The following OTUD7A variants were observed in gnomAD, a reference collection of about 807,000 sequenced individuals.
The protein encoded by OTUD7A is OTU domain-containing protein 7A.
A neutral mutation model predicts 65.7 loss-of-function variants in OTUD7A; 12 were observed. The observed-to-expected ratio is 0.18, with a 90% CI of 0.12 to 0.30. The LOEUF (loss-of-function observed/expected upper bound fraction) is 0.30. Among genes scored for constraint, OTUD7A ranks in the 10% least tolerant of loss-of-function variants. The pLI is 1.00. For missense variants in OTUD7A, 1,148 were observed against 1,304.8 expected (o/e 0.88, Z 1.85); for synonymous variants, 641 against 586.3 (o/e 1.09, Z -1.35).
At chr15:31,809,161 T>C (rs963172757) in intron 1 of OTUD7A, among the ~76,000 whole-genome samples, 3 of 152,224 alleles carry the variant, frequency 2.0e-5, no homozygotes, top group Non-Finnish European at 2.9e-5. Flanking sequence ...GCTGAAACTC[T>C]GCTCTCGATT....
chr15:31,794,630 T>TG (rs1180101175), intron 1 of OTUD7A, among the ~76,000 whole-genome samples: 4 of 61,082 alleles, frequency 6.5e-5, no homozygotes, highest in African/African-American at 1.2e-4. Flanking sequence ...AATAGAATAG[T>TG]GAAAAAAAAA....
chr15:31,617,676 G>A (rs1038963793), intron 3 of OTUD7A, among the ~76,000 whole-genome samples: 3 of 152,118 alleles, frequency 2.0e-5, no homozygotes, highest in East Asian at 3.9e-4. Context: ...TTACCTCTGG[G>A]GAGAAAGAAG....
chr15:31,727,127 C>T (rs939055307), intron 1 of OTUD7A, among the ~76,000 whole-genome samples: 2 of 152,218 alleles, frequency 1.3e-5, no homozygotes, highest in Admixed American at 1.3e-4. Context: ...GTCTCAAATC[C>T]ATCACCCCAT....
chr15:31,523,319 T>C (rs2141113846), intron 8 of OTUD7A, among the ~76,000 whole-genome samples: 1 of 152,362 alleles, frequency 6.6e-6, no homozygotes, highest in African/African-American at 2.4e-5. Context: ...AAAGTCTTTC[T>C]TGCTGTCTTC....
At chr15:31,682,043 T>C (rs1160295495) in intron 1 of OTUD7A, among the ~76,000 whole-genome samples, 2 of 152,024 alleles carry the variant, frequency 1.3e-5, no homozygotes, top group Non-Finnish European at 1.5e-5. Context: ...GGAAGTGACA[T>C]CTCATCTGAA....
chr15:31,629,182 G>A (rs904241974), intron 3 of OTUD7A, among the ~76,000 whole-genome samples: 3 of 152,096 alleles, frequency 2.0e-5, no homozygotes, highest in Non-Finnish European at 4.4e-5. Flanking sequence ...GTTTTCAAAG[G>A]GAATGCTTCC....
intron 3 of OTUD7A, among the ~76,000 whole-genome samples, chr15:31,572,722 T>G (rs1405379525): frequency 1.3e-5 from 2 of 151,816 alleles, no homozygotes; most frequent in Non-Finnish European, 2.9e-5. Context: ...CTGACTAAAC[T>G]CAGGGGAAAA....
chr15:31,606,836 A>G (rs1024598311), intron 3 of OTUD7A, among the ~76,000 whole-genome samples: 19 of 152,234 alleles, frequency 1.2e-4, no homozygotes, highest in African/African-American at 4.6e-4. Context: ...CTGACATTAT[A>G]TATCATATAA....
At chr15:31,491,490 C>G (rs577561597) in intron 10 of OTUD7A, among the ~76,000 whole-genome samples, 21 of 152,270 alleles carry the variant, frequency 1.4e-4, no homozygotes, top group African/African-American at 5.1e-4. Flanking sequence ...AGGTGGGAAA[C>G]TGAACACAGC....
intron 1 of OTUD7A, among the ~76,000 whole-genome samples, chr15:31,669,792 T>C (rs1028190038): frequency 1.3e-5 from 2 of 152,032 alleles, no homozygotes; most frequent in African/African-American, 4.8e-5. Context: ...AATGGCCTGC[T>C]TGGGGACCCA....
intron 10 of OTUD7A, among the ~76,000 whole-genome samples, chr15:31,496,953 C>T (rs376937974): frequency 6.6e-6 from 1 of 151,876 alleles, no homozygotes; most frequent in Non-Finnish European, 1.5e-5. Flanking sequence ...AGTCTCTGTT[C>T]CCAATAAAGG....
At chr15:31,867,917 G>A in intron 1 of OTUD7A, among the ~76,000 whole-genome samples, 1 of 151,764 alleles carries the variant, frequency 6.6e-6, no homozygotes, top group East Asian at 1.9e-4. Context: ...GGGGAGGGGC[G>A]GGGGGCGGGG....
intron 3 of OTUD7A, among the ~76,000 whole-genome samples, chr15:31,639,684 TCAG>T (rs1386228296): frequency 6.6e-6 from 1 of 152,006 alleles, no homozygotes; most frequent in Non-Finnish European, 1.5e-5. Context: ...TTTGGTATGC[TCAG>T]TATTGTTGGT....
At chr15:31,690,844 AG>A (rs1196777486) in intron 1 of OTUD7A, among the ~76,000 whole-genome samples, 1 of 152,248 alleles carries the variant, frequency 6.6e-6, no homozygotes, top group Non-Finnish European at 1.5e-5. Context: ...GAAAATACAG[AG>A]GAAAAGCTTT....
chr15:31,502,908 T>C (rs1440810776), intron 9 of OTUD7A, among the ~76,000 whole-genome samples: 3 of 152,180 alleles, frequency 2.0e-5, no homozygotes, highest in Non-Finnish European at 2.9e-5. Flanking sequence ...TTATGGCAGC[T>C]GTGATTTAGC....
At chr15:31,836,864 A>G (rs1235006377) in intron 1 of OTUD7A, among the ~76,000 whole-genome samples, 1 of 152,220 alleles carries the variant, frequency 6.6e-6, no homozygotes, top group Non-Finnish European at 1.5e-5. Context: ...CCATCTATAA[A>G]AAACAGATAG....
chr15:31,842,643 A>G (rs1595808145), intron 1 of OTUD7A, among the ~76,000 whole-genome samples: 1 of 152,234 alleles, frequency 6.6e-6, no homozygotes, highest in East Asian at 1.9e-4. Context: ...ACGCACTCTG[A>G]ATTCTGACAA....
At chr15:31,506,526 T>C (rs1200687378) in intron 8 of OTUD7A, among the ~76,000 whole-genome samples, 4 of 152,184 alleles carry the variant, frequency 2.6e-5, no homozygotes, top group Non-Finnish European at 1.5e-5. Context: ...TGCGGTGTTT[T>C]GTTTTTATTT....
At chr15:31,587,943 CA>C (rs899390272) in intron 3 of OTUD7A, among the ~76,000 whole-genome samples, 1 of 152,008 alleles carries the variant, frequency 6.6e-6, no homozygotes, top group African/African-American at 2.4e-5. Context: ...CCTGAGCTAT[CA>C]CCTCATCAGA....
Sources: allele counts gnomAD v4.1 joint callset (sites outside exome capture counted in the v4.1 genomes callset), GRCh38; gene constraint gnomAD v4.1.1; transcripts MANE v1.5; gene names NCBI Gene and HGNC (gene_info 2026-07-23, HGNC 2026-07-21).